The following SLC35F3 variants were observed in gnomAD, a reference collection of about 807,000 sequenced individuals.
The protein encoded by SLC35F3 is solute carrier family 35 member F3, also known as putative thiamine transporter SLC35F3.
Under a neutral mutation model 49.9 loss-of-function variants are expected in SLC35F3, and 25 were observed. The observed-to-expected ratio is 0.50, with a 90% confidence interval of 0.37 to 0.70. SLC35F3 has a LOEUF of 0.70. SLC35F3 is among the 30% of genes least tolerant of loss of function. The probability of loss-of-function intolerance (pLI) is 0.00; values close to 1 mark genes in which losing one functional copy is unlikely to be tolerated. For synonymous variants in SLC35F3, 275 were observed against 265.4 expected, an observed-to-expected ratio of 1.04 and a Z score of -0.35; for missense variants, 525 against 639.8, an observed-to-expected ratio of 0.82 and a Z score of 1.94.
At chr1:233,988,763 T>C (rs1663306058) in intron 2 of SLC35F3, among the ~76,000 whole-genome samples, 1 of 152,242 alleles carries the variant, frequency 6.6e-6, no homozygotes, top group Non-Finnish European at 1.5e-5. Flanking sequence ...CGTTATCCTT[T>C]ACTATCATTT....
intron 2 of SLC35F3, among the ~76,000 whole-genome samples, chr1:234,064,211 T>C (rs140141665): frequency 1.5e-3 from 225 of 152,326 alleles, no homozygotes; most frequent in Non-Finnish European, 2.6e-3. Flanking sequence ...GAGAAAGGAC[T>C]GTGTGTTTCC....
chr1:233,953,900 G>C (rs1662650662), intron 2 of SLC35F3, among the ~76,000 whole-genome samples: 1 of 152,198 alleles, frequency 6.6e-6, no homozygotes. Flanking sequence ...ATGTGGCCCA[G>C]GCTGCATTTC....
chr1:234,064,119 G>A (rs151145604), intron 2 of SLC35F3, among the ~76,000 whole-genome samples: 1 of 152,148 alleles, frequency 6.6e-6, no homozygotes, highest in Non-Finnish European at 1.5e-5. Flanking sequence ...TGGTGGGGGG[G>A]ACTGTTTCCT....
intron 3 of SLC35F3, among the ~76,000 whole-genome samples, chr1:234,279,514 A>T (rs1312881989): frequency 1.3e-5 from 2 of 152,150 alleles, no homozygotes; most frequent in African/African-American, 4.8e-5. Context: ...GGGCCCAGAG[A>T]GTGAGGGACA....
At chr1:234,113,165 C>A (rs1009991463) in intron 2 of SLC35F3, among the ~76,000 whole-genome samples, 2 of 152,152 alleles carry the variant, frequency 1.3e-5, no homozygotes, top group African/African-American at 4.8e-5. Flanking sequence ...CTCTTATGAG[C>A]CCCTGATAAT....
intron 2 of SLC35F3, among the ~76,000 whole-genome samples, chr1:234,032,111 C>G (rs6686207): frequency 0.24 from 35,830 of 151,966 alleles, 8,553 homozygotes; most frequent in African/African-American, 0.6. Flanking sequence ...TTGTTCTGCT[C>G]TCGGCATTCT....
intron 3 of SLC35F3, among the ~76,000 whole-genome samples, chr1:234,290,830 G>T (rs879885279): frequency 6.6e-6 from 1 of 152,112 alleles, no homozygotes; most frequent in Admixed American, 6.5e-5. Flanking sequence ...AGAACCTGAG[G>T]GTTCTTTCTG....
At chr1:234,131,105 TA>T (rs1460915160) in intron 2 of SLC35F3, among the ~76,000 whole-genome samples, 1 of 152,096 alleles carries the variant, frequency 6.6e-6, no homozygotes, top group African/African-American at 2.4e-5. Context: ...GAAGTGGGGA[TA>T]TTGGTTAACT....
At chr1:233,926,447 G>A (rs552754961) in intron 2 of SLC35F3, among the ~76,000 whole-genome samples, 8 of 152,102 alleles carry the variant, frequency 5.3e-5, no homozygotes, top group East Asian at 1.9e-4. Flanking sequence ...TTTTGCAAGC[G>A]TCACATAGTT....
intron 2 of SLC35F3, among the ~76,000 whole-genome samples, chr1:234,193,996 T>C (rs1666767727): frequency 6.6e-6 from 1 of 152,180 alleles, no homozygotes; most frequent in Non-Finnish European, 1.5e-5. Flanking sequence ...ACACTGTTGG[T>C]GGGAATGTAA....
chr1:234,123,586 T>G (rs1461565170), intron 2 of SLC35F3, among the ~76,000 whole-genome samples: 1 of 151,468 alleles, frequency 6.6e-6, no homozygotes, highest in African/African-American at 2.4e-5. Flanking sequence ...ATTTTTTTTT[T>G]TTTGTATTTT....
chr1:234,283,918 T>C (rs888232031), intron 3 of SLC35F3, among the ~76,000 whole-genome samples: 14 of 152,180 alleles, frequency 9.2e-5, no homozygotes, highest in African/African-American at 3.4e-4. Flanking sequence ...AATTAAATAT[T>C]TTTTTGAGAC....
intron 2 of SLC35F3, among the ~76,000 whole-genome samples, chr1:234,082,062 G>A (rs1274679585): frequency 3.3e-5 from 5 of 151,482 alleles, no homozygotes; most frequent in Non-Finnish European, 1.5e-5. Context: ...GCCCAAATTG[G>A]CATCTTTTCT....
chr1:234,000,569 G>A (rs930368138), intron 2 of SLC35F3, among the ~76,000 whole-genome samples: 3 of 152,180 alleles, frequency 2.0e-5, no homozygotes, highest in Non-Finnish European at 2.9e-5. Context: ...CTGCGTACAA[G>A]CAGTGCTACT....
intron 2 of SLC35F3, among the ~76,000 whole-genome samples, chr1:233,919,657 T>C (rs1387166389): frequency 6.6e-6 from 1 of 152,208 alleles, no homozygotes; most frequent in Non-Finnish European, 1.5e-5. Context: ...GCATTTTGTG[T>C]ACTTGGTCTT....
At chr1:233,915,755 T>C (rs1372695884) in intron 2 of SLC35F3, among the ~76,000 whole-genome samples, 1 of 152,192 alleles carries the variant, frequency 6.6e-6, no homozygotes, top group East Asian at 1.9e-4. Flanking sequence ...AGTCACATCT[T>C]ACATGGATGG....
intron 2 of SLC35F3, among the ~76,000 whole-genome samples, chr1:234,204,228 G>A (rs187487710): frequency 2.0e-5 from 3 of 151,854 alleles, no homozygotes; most frequent in South Asian, 2.1e-4. Context: ...AAATAGAAAC[G>A]GTGAATAAGA....
intron 2 of SLC35F3, among the ~76,000 whole-genome samples, chr1:234,042,948 T>A (rs1297376673): frequency 6.6e-6 from 1 of 152,234 alleles, no homozygotes; most frequent in Non-Finnish European, 1.5e-5. Flanking sequence ...TTATCAGTAG[T>A]TCTGCTAATT....
At chr1:233,936,836 G>A (rs1379907820) in intron 2 of SLC35F3, among the ~76,000 whole-genome samples, 1 of 152,078 alleles carries the variant, frequency 6.6e-6, no homozygotes, top group Non-Finnish European at 1.5e-5. Flanking sequence ...CTGCAGGTGT[G>A]TGCCACCATG....
Sources: allele counts gnomAD v4.1 joint callset (sites outside exome capture counted in the v4.1 genomes callset), GRCh38; gene constraint gnomAD v4.1.1; transcripts MANE v1.5; gene names NCBI Gene and HGNC (gene_info 2026-07-23, HGNC 2026-07-21).